Variants in CD72 observed in about 807,000 individuals in gnomAD.
CD72 encodes the protein B-cell differentiation antigen CD72.
A neutral mutation model predicts 50.7 loss-of-function variants in CD72; 28 were observed. The observed-to-expected ratio is 0.55, with a 90% CI of 0.41 to 0.76. CD72 has a LOEUF of 0.76. Among genes scored for constraint, CD72 ranks in the 30% least tolerant of loss-of-function variants. The pLI, the probability that CD72 is intolerant of heterozygous loss-of-function variation, is 0.00. For missense variants in CD72, 403 were observed against 420.6 expected, an observed-to-expected ratio of 0.96 and a Z score of 0.37; for synonymous variants, 176 against 171.2, an observed-to-expected ratio of 1.03 and a Z score of -0.22.
chr9:35,618,035 A>T lies in CD72; in HGVS notation c.169T>A (p.Ser57Thr). 6.2e-7 allele frequency: 1 copy of T among 1,612,684 alleles called. No individual in the cohort carries two copies. The highest frequency in any genetic ancestry group is 8.5e-7 in the Non-Finnish European group (1 of 1,178,682). Residue 57 changes from serine to threonine, a missense_variant, in exon 2 of 9, where the codon TCT (serine) becomes ACT (threonine). By Grantham distance (58) the Ser-to-Thr change is moderately conservative. Transcript: ENST00000259633. ...VLGVPSSLAS[S>T]VLGDKAAVKS... ...AGACCTGCTTTGTCCCCTAGTACAG[A>T]AGAAGCCAAGCTTGAGGGCACCCCT...
At chr9:35,611,109 G>C (rs1234048482) in intron 7 of CD72, among the ~76,000 whole-genome samples, 2 of 152,186 alleles carry the variant, frequency 1.3e-5, no homozygotes, top group Admixed American at 1.3e-4. Context: ...AAATTAGCCG[G>C]GCATGGCGGT....
intron 1 of CD72, among the ~76,000 whole-genome samples, chr9:35,644,256 G>A (rs1823365986): frequency 7.2e-6 from 1 of 138,540 alleles, no homozygotes; most frequent in Non-Finnish European, 1.5e-5. Flanking sequence ...TGAGGCAGGA[G>A]AATCGCTTGA....
At chr9:35,611,323 G>C (rs1165514530) in intron 7 of CD72, among the ~76,000 whole-genome samples, 1 of 152,116 alleles carries the variant, frequency 6.6e-6, no homozygotes, top group Non-Finnish European at 1.5e-5. Context: ...GGGTCCCTAG[G>C]GTTGATCCTC....
At chr9:35,629,787 A>G (rs764065648) in intron 1 of CD72, among the ~76,000 whole-genome samples, 3 of 152,234 alleles carry the variant, frequency 2.0e-5, no homozygotes, top group Non-Finnish European at 4.4e-5. Flanking sequence ...CTGCTGCTAC[A>G]TGGGTATGCA....
upstream of CD72, chr9:35,618,532 G>T: frequency 9.7e-7 from 1 of 1,028,648 alleles, no homozygotes; most frequent in Non-Finnish European, 1.4e-6. Context: ...GAGGGGCCAC[G>T]GAGGGGACGC....
chr9:35,626,434 A>G (rs2131778379), intron 1 of CD72, among the ~76,000 whole-genome samples: 1 of 152,346 alleles, frequency 6.6e-6, no homozygotes, highest in African/African-American at 2.4e-5. Flanking sequence ...ACTGGTGAAG[A>G]TTATGTTGAA....
intron 7 of CD72, among the ~76,000 whole-genome samples, chr9:35,611,079 G>A (rs1029040028): frequency 8.5e-5 from 13 of 152,150 alleles, no homozygotes; most frequent in Admixed American, 6.5e-4. Flanking sequence ...GTGAAACCCC[G>A]TCTCTACTAA....
upstream of CD72, among the ~76,000 whole-genome samples, chr9:35,621,690 A>G (rs1007573828): frequency 4.6e-5 from 7 of 152,226 alleles, no homozygotes; most frequent in Non-Finnish European, 8.8e-5. Flanking sequence ...CTTGAAAGGG[A>G]GAACCTTTCC....
chr9:35,621,446 G>T (rs965134149), upstream of CD72, among the ~76,000 whole-genome samples: 1 of 152,190 alleles, frequency 6.6e-6, no homozygotes, highest in Non-Finnish European at 1.5e-5. Context: ...TGAAAGTCAG[G>T]CTATATCTGT....
intron 6 of CD72, among the ~76,000 whole-genome samples, chr9:35,612,297 A>C (rs1822998169): frequency 6.6e-6 from 1 of 152,192 alleles, no homozygotes; most frequent in Non-Finnish European, 1.5e-5. Context: ...TACACATTAA[A>C]GTAGAGGCCG....
intron 1 of CD72, among the ~76,000 whole-genome samples, chr9:35,632,623 C>G (rs1305203383): frequency 6.7e-6 from 1 of 150,184 alleles, no homozygotes; most frequent in African/African-American, 2.5e-5. Flanking sequence ...GTCGCCCAGG[C>G]TGGAGTGCAG....
chr9:35,610,667 A>G lies in CD72; in HGVS notation c.1037T>C (p.Leu346Pro). 6.2e-7 allele frequency: 1 copy of G among 1,613,516 alleles called. No individual in the cohort carries two copies. Among genetic ancestry groups the G allele is most frequent in the Non-Finnish European group, 8.5e-7 (1 of 1,179,418 alleles). ...TLESESCRSSLPYICEMTAFR... is the reference protein window; with the variant it reads ...TLESESCRSSPPYICEMTAFR... ...AGCTGTCATCTCACAGATGTAGGGAAGAGAACTTCTACATGACTCTGACTC... is the reference window on the plus strand; with the variant it reads ...AGCTGTCATCTCACAGATGTAGGGAGGAGAACTTCTACATGACTCTGACTC... The change falls in exon 8 of 9, where the codon CTT (leucine) becomes CCT (proline). Residue 346 changes from leucine (L) to proline (P), a missense_variant. By Grantham distance (98) the Leu-to-Pro change is moderately conservative (BLOSUM62 -3). Transcript: ENST00000259633.
intron 1 of CD72, among the ~76,000 whole-genome samples, chr9:35,644,385 T>C (rs944590841): frequency 2.7e-5 from 4 of 147,412 alleles, no homozygotes; most frequent in African/African-American, 1.0e-4. Context: ...AGACCTAGGT[T>C]ATTTGTAAGG....
At chr9:35,639,668 A>T (rs1442706805) in intron 1 of CD72, among the ~76,000 whole-genome samples, 1 of 152,238 alleles carries the variant, frequency 6.6e-6, no homozygotes, top group Admixed American at 6.5e-5. Context: ...AATAGTTCTC[A>T]GATACACTTA....
intron 6 of CD72, 36 bp downstream of exon 6, chr9:35,612,812 G>A (rs1175032899): frequency 1.3e-6 from 2 of 1,597,684 alleles, no homozygotes; most frequent in African/African-American, 1.3e-5. Context: ...TTACCTAATA[G>A]TACCCACTGC....
At chr9:35,611,123 C>T (rs749145018) in intron 7 of CD72, among the ~76,000 whole-genome samples, 1 of 152,066 alleles carries the variant, frequency 6.6e-6, no homozygotes, top group Non-Finnish European at 1.5e-5. Context: ...TGGCGGTGTG[C>T]GCCTGTAGTC....
In CD72 at chr9:35,641,441, T is replaced by C. The variant is rs76808158; in HGVS notation, n.408+4962A>G. On this transcript the variant is annotated intron_variant and non_coding_transcript_variant, in intron 1 of 3. Transcript: ENST00000465754. ...GGCCCTGACTATCTGCTTGATAGTT[T>C]TGAAAGACCTGGTCCAGTAAATAAT... Among the ~76,000 whole-genome samples the C allele has an allele frequency of 0.016, 2,491 of 152,308 alleles. 115 individuals are homozygous for C. In the East Asian group the frequency reaches 0.17, roughly 10 times the overall value.
intron 1 of CD72, among the ~76,000 whole-genome samples, chr9:35,634,194 TCTC>T (rs1177801444): frequency 5.9e-5 from 9 of 152,194 alleles, no homozygotes; most frequent in Admixed American, 5.9e-4. Context: ...ATTCAATTTT[TCTC>T]CTCATTAATT....
intron 1 of CD72, among the ~76,000 whole-genome samples, chr9:35,645,161 T>C (rs1232735050): frequency 3.5e-5 from 5 of 143,766 alleles, no homozygotes; most frequent in Non-Finnish European, 7.5e-5. Context: ...ATCTCGCCAC[T>C]GCACTTCAGC....
Sources: allele counts gnomAD v4.1 joint callset (sites outside exome capture counted in the v4.1 genomes callset), GRCh38; gene constraint gnomAD v4.1.1; transcripts MANE v1.5; gene names NCBI Gene and HGNC (gene_info 2026-07-23, HGNC 2026-07-21).